Variants in TENM3 observed in about 807,000 individuals in gnomAD.
TENM3 encodes teneurin-3.
In TENM3, 63 loss-of-function variants were observed where a neutral mutation model predicts 255.1. The observed-to-expected ratio is 0.25, with a 90% CI of 0.20 to 0.30. TENM3 has a LOEUF of 0.30. Among genes scored for constraint, TENM3 ranks in the 10% least tolerant of loss-of-function variants. The pLI is 1.00. For synonymous variants in TENM3, 1,306 were observed against 1,322.3 expected, an observed-to-expected ratio of 0.99 and a Z score of 0.27; for missense variants, 2,929 against 3,461.1, an observed-to-expected ratio of 0.85 and a Z score of 3.86.
intron 3 of TENM3, among the ~76,000 whole-genome samples, chr4:182,438,215 T>C (rs1393766332): frequency 1.3e-5 from 2 of 152,210 alleles, no homozygotes; most frequent in African/African-American, 4.8e-5. Context: ...AGCTGTGATG[T>C]TTCTTTGCTC....
chr4:181,588,671 T>C, the TENM3 span, among the ~76,000 whole-genome samples: 1 of 152,276 alleles, frequency 6.6e-6, no homozygotes, highest in East Asian at 1.9e-4. Flanking sequence ...AATTTTGTGT[T>C]GTAAATAGAG....
At chr4:181,620,265 T>G in the TENM3 span, among the ~76,000 whole-genome samples, 1 of 135,034 alleles carries the variant, frequency 7.4e-6, no homozygotes, top group Non-Finnish European at 1.6e-5. Context: ...TATCTCAAAA[T>G]AAAAATAAAA....
chr4:181,932,628 C>G, the TENM3 span, among the ~76,000 whole-genome samples: 1 of 152,210 alleles, frequency 6.6e-6, no homozygotes, highest in East Asian at 1.9e-4. Flanking sequence ...GATCTAGAAC[C>G]AGAAATACCA....
At chr4:182,794,695 G>A (rs528214640) in intron 26 of TENM3, among the ~76,000 whole-genome samples, 1 of 152,204 alleles carries the variant, frequency 6.6e-6, no homozygotes. Context: ...TTTAGTGCAT[G>A]CTACCTTTTT....
chr4:182,009,138 G>A, the TENM3 span, among the ~76,000 whole-genome samples: 1 of 151,990 alleles, frequency 6.6e-6, no homozygotes, highest in African/African-American at 2.4e-5. Flanking sequence ...GACCTCAAGG[G>A]GCACCAACCT....
the TENM3 span, among the ~76,000 whole-genome samples, chr4:181,988,904 T>C: frequency 4.6e-5 from 7 of 152,038 alleles, no homozygotes; most frequent in African/African-American, 1.4e-4. Flanking sequence ...CCTGGGTCAA[T>C]GCACATTAAG....
intron 1 of TENM3, among the ~76,000 whole-genome samples, chr4:182,235,686 C>T (rs1756854266): frequency 6.6e-6 from 1 of 152,168 alleles, no homozygotes; most frequent in African/African-American, 2.4e-5. Flanking sequence ...CTCTCACAAG[C>T]TGGAACTACT....
At chr4:181,468,132 CAAAAAA>C in the TENM3 span, among the ~76,000 whole-genome samples, 1 of 130,740 alleles carries the variant, frequency 7.6e-6, no homozygotes, top group African/African-American at 3.0e-5. Context: ...CCCATCTGTA[CAAAAAA>C]AAAAAAAAAT....
chr4:181,820,646 A>G, the TENM3 span, among the ~76,000 whole-genome samples: 2 of 152,170 alleles, frequency 1.3e-5, no homozygotes, highest in Non-Finnish European at 2.9e-5. Context: ...CCCATAGCGA[A>G]AGCACCACCG....
chr4:182,233,392 C>G (rs1030946089), intron 1 of TENM3, among the ~76,000 whole-genome samples: 1 of 152,162 alleles, frequency 6.6e-6, no homozygotes, highest in East Asian at 1.9e-4. Flanking sequence ...GGAACCTGAC[C>G]GACGTATGCT....
the TENM3 span, among the ~76,000 whole-genome samples, chr4:181,947,777 T>C: frequency 6.6e-6 from 1 of 152,200 alleles, no homozygotes; most frequent in Non-Finnish European, 1.5e-5. Context: ...TGAGTCTAAA[T>C]TAGTGCAGTA....
At chr4:182,728,018 G>A (rs115154161) in intron 13 of TENM3, among the ~76,000 whole-genome samples, 514 of 151,876 alleles carry the variant, frequency 3.4e-3, no homozygotes, top group African/African-American at 0.012. Context: ...CTGTCACCCC[G>A]CCTGGCTAAT....
chr4:181,454,055 G>A, the TENM3 span, among the ~76,000 whole-genome samples: 37,446 of 152,058 alleles, frequency 0.25, 5,198 homozygotes, highest in Admixed American at 0.31. Context: ...AGTAATGTCT[G>A]TAAAACCAGG....
At chr4:182,000,388 T>G in the TENM3 span, among the ~76,000 whole-genome samples, 1 of 152,006 alleles carries the variant, frequency 6.6e-6, no homozygotes, top group Non-Finnish European at 1.5e-5. Flanking sequence ...GAATCGGTTC[T>G]CCCAAAGCAT....
At chr4:181,978,676 A>G in the TENM3 span, among the ~76,000 whole-genome samples, 1 of 151,658 alleles carries the variant, frequency 6.6e-6, no homozygotes, top group Non-Finnish European at 1.5e-5. Flanking sequence ...AAAAGAAAAA[A>G]AAAAACCAGA....
At chr4:181,973,432 C>T in the TENM3 span, among the ~76,000 whole-genome samples, 2 of 152,030 alleles carry the variant, frequency 1.3e-5, no homozygotes, top group African/African-American at 2.4e-5. Flanking sequence ...AAAACGGAGA[C>T]GGAATGCTGT....
intron 1 of TENM3, among the ~76,000 whole-genome samples, chr4:182,304,507 C>T (rs903856053): frequency 9.2e-5 from 14 of 152,100 alleles, no homozygotes; most frequent in Admixed American, 4.6e-4. Flanking sequence ...CCACTGTGCC[C>T]GGCCAAGATA....
chr4:182,363,753 T>C (rs1019000425), intron 3 of TENM3, among the ~76,000 whole-genome samples: 7 of 152,166 alleles, frequency 4.6e-5, no homozygotes, highest in African/African-American at 1.7e-4. Flanking sequence ...GTTATGACTT[T>C]GTGAAAAAAT....
the TENM3 span, among the ~76,000 whole-genome samples, chr4:181,736,587 T>C: frequency 6.6e-6 from 1 of 151,980 alleles, no homozygotes; most frequent in African/African-American, 2.4e-5. Context: ...AAAACTATTC[T>C]GTGAGTAGAT....
Sources: gnomAD v4.1 joint callset for allele counts (sites outside exome capture counted in the v4.1 genomes callset) on GRCh38, gnomAD v4.1.1 for gene constraint, MANE v1.5 for transcripts, NCBI Gene and HGNC (gene_info 2026-07-23, HGNC 2026-07-21) for gene names.